CEP164: variants seen among roughly 807,000 people sequenced by gnomAD.
CEP164 encodes the protein centrosomal protein of 164 kDa.
A neutral mutation model predicts 182.7 loss-of-function variants in CEP164; 162 were observed. The observed-to-expected ratio is 0.89, with a 90% CI of 0.78 to 1.01. The LOEUF (loss-of-function observed/expected upper bound fraction) is 1.01, where lower values mean the gene tolerates loss of function less well. Among genes scored for constraint, CEP164 ranks in the 50% least tolerant of loss-of-function variants. The probability of loss-of-function intolerance (pLI) is 0.00; values close to 1 mark genes in which losing one functional copy is unlikely to be tolerated. For synonymous variants in CEP164, 661 were observed against 690.0 expected (o/e 0.96, Z 0.66); for missense variants, 1,735 against 1,790.4 (o/e 0.97, Z 0.56).
chr11:117,340,304 G>A (rs2037909845), intron 3 of CEP164, among the ~76,000 whole-genome samples: 1 of 152,272 alleles, frequency 6.6e-6, no homozygotes, highest in Non-Finnish European at 1.5e-5. Context: ...TTACAGGCAT[G>A]AGCCACTTGT....
At chr11:117,362,138 G>T (rs1294836240) in intron 6 of CEP164, 145 bp downstream of exon 6, 2 of 832,494 alleles carry the variant, frequency 2.4e-6, no homozygotes, top group Non-Finnish European at 1.9e-6. Flanking sequence ...AATGTAATTC[G>T]CACCTGTATG....
intron 1 of CEP164, among the ~76,000 whole-genome samples, chr11:117,328,716 C>CTG (rs1404572353): frequency 6.6e-6 from 1 of 152,202 alleles, no homozygotes; most frequent in African/African-American, 2.4e-5. Flanking sequence ...AGGGCTTCAC[C>CTG]ATTCACTCAG....
At chr11:117,395,072 T>C in intron 22 of CEP164, 51 bp from the exon 23 acceptor site, 1 of 1,610,950 alleles carries the variant, frequency 6.2e-7, no homozygotes, top group Non-Finnish European at 8.5e-7. Flanking sequence ...GCTCTGCCCC[T>C]CAGACCTGGG....
chr11:117,371,313 C>A lies in CEP164; in HGVS notation c.999C>A (p.Asp333Glu), dbSNP rs1233080000. 6.2e-7 allele frequency: 1 copy of A among 1,614,216 alleles called. No individual in the cohort carries two copies. Among genetic ancestry groups the A allele is most frequent in the Admixed American group, 1.7e-5 (1 of 60,018 alleles). ...GGAATCTGGTGACCCCCAAGGCAGA[C>A]CCTACAGGCAGTGAGCCTGCCAAAG... ...ICRNLVTPKA[D>E]PTGSEPAKAS... The change falls in exon 9 of 33, where the codon GAC becomes GAA. Residue 333 changes from aspartate (D) to glutamate (E), a missense_variant. Asp to Glu is a conservative substitution (Grantham distance 45). Transcript: ENST00000278935.
At chr11:117,346,151 A>G (rs1482991836) in intron 4 of CEP164, among the ~76,000 whole-genome samples, 1 of 152,230 alleles carries the variant, frequency 6.6e-6, no homozygotes, top group Non-Finnish European at 1.5e-5. Flanking sequence ...GATGGATGGA[A>G]GGAAACTGTC....
intron 5 of CEP164, among the ~76,000 whole-genome samples, chr11:117,354,022 C>CT (rs777619340): frequency 2.7e-4 from 39 of 142,148 alleles, no homozygotes; most frequent in East Asian, 8.0e-4. Flanking sequence ...TCTTCTTCTT[C>CT]TTTTTTTTTT....
intron 17 of CEP164, 101 bp from the exon 18 acceptor site, chr11:117,392,125 C>T: frequency 9.9e-7 from 1 of 1,009,858 alleles, no homozygotes; most frequent in African/African-American, 1.6e-5. Context: ...TCCCTTGACC[C>T]TGATCTCGAG....
Position 117,394,346 on chromosome 11 carries a change from GCAGGA to G in CEP164, c.2617-3_2618del. ...TCCCACCGGTGGGCCCACCCTCCTT[GCAGGA>G]GAGGAAGCAGCGGGCTGAGCTTCTG... On this transcript the variant is annotated splice_acceptor_variant and splice_polypyrimidine_tract_variant and coding_sequence_variant and intron_variant, in exon 21 of 33. Transcript: ENST00000278935. LOFTEE classifies it high-confidence loss of function. The surrounding 1 kb of genome is among the most constrained non-coding windows in gnomAD (Gnocchi z 4.0). The G allele has an allele frequency of 6.3e-7, 1 of 1,592,586 alleles. No homozygotes were observed. The highest frequency in any genetic ancestry group is 1.1e-5 in the South Asian group (1 of 87,980).
chr11:117,371,897 G>C (rs1592224073), intron 9 of CEP164, among the ~76,000 whole-genome samples: 2 of 151,456 alleles, frequency 1.3e-5, no homozygotes, highest in Non-Finnish European at 2.9e-5. Flanking sequence ...TGACCTCCAG[G>C]GCTCAAGCAG....
At chr11:117,391,773 C>T (rs999104609) in intron 17 of CEP164, among the ~76,000 whole-genome samples, 6 of 152,216 alleles carry the variant, frequency 3.9e-5, no homozygotes, top group African/African-American at 1.4e-4. Flanking sequence ...CACAGTCTCT[C>T]TGAGCACTTG....
intron 4 of CEP164, among the ~76,000 whole-genome samples, chr11:117,351,118 C>T (rs927292867): frequency 6.6e-6 from 1 of 152,160 alleles, no homozygotes; most frequent in Non-Finnish European, 1.5e-5. Context: ...CTGCAACCTC[C>T]GACTCCCAGG....
rs1565651290 is a variant in CEP164, at chr11:117,412,468, T to C, written c.*300T>C. On this transcript the variant is annotated 3_prime_UTR_variant, in exon 33 of 33. Coordinates refer to ENST00000278935, the MANE Select transcript of CEP164 (RefSeq NM_014956.5). ...AGCCCTTTGGGAGGAAGGGAGGCGT[T>C]AGAGGAGCTGCCTTCGGAGGCTCAG... The C allele has an allele frequency of 6.8e-6, 2 of 296,172 alleles. No homozygotes were observed. Among genetic ancestry groups the C allele is most frequent in the South Asian group, 4.1e-5 (1 of 24,284 alleles). 18.3% of individuals were successfully genotyped at this position (296,172 alleles called of 1,614,324 possible).
At chr11:117,383,075 T>C in intron 14 of CEP164, 133 bp downstream of exon 14, 1 of 1,019,252 alleles carries the variant, frequency 9.8e-7, no homozygotes, top group Non-Finnish European at 1.4e-6. Context: ...AGATTAAGCA[T>C]ATCCTTGGTG....
chr11:117,337,110 C>T (rs965026896), intron 2 of CEP164, among the ~76,000 whole-genome samples: 3 of 152,160 alleles, frequency 2.0e-5, no homozygotes, highest in African/African-American at 7.2e-5. Context: ...TGCCGTAACA[C>T]AATACCGTAG....
At chr11:117,354,050 T>A (rs2040009632) in intron 5 of CEP164, among the ~76,000 whole-genome samples, 1 of 151,864 alleles carries the variant, frequency 6.6e-6, no homozygotes. Context: ...AGCATCTTGC[T>A]TTGTTGCCCA....
intron 27 of CEP164, among the ~76,000 whole-genome samples, chr11:117,399,944 C>G (rs1311288287): frequency 6.6e-6 from 1 of 152,160 alleles, no homozygotes; most frequent in Non-Finnish European, 1.5e-5. Flanking sequence ...GTTGCCTGTT[C>G]ACTCTGATGG....
At chr11:117,382,349 G>A (rs941724624) in intron 13 of CEP164, among the ~76,000 whole-genome samples, 15 of 152,200 alleles carry the variant, frequency 9.9e-5, no homozygotes, top group African/African-American at 3.4e-4. Flanking sequence ...GGCCCAGGGA[G>A]AGGGAAGCCC....
At chr11:117,334,804 G>C (rs947377338) in intron 1 of CEP164, among the ~76,000 whole-genome samples, 4 of 122,174 alleles carry the variant, frequency 3.3e-5, no homozygotes, top group African/African-American at 1.2e-4. Context: ...AAAAAAAAAA[G>C]GTAAATATAG....
At chr11:117,387,176 T>C in intron 14 of CEP164, 27 bp from the exon 15 acceptor site, 1 of 1,598,396 alleles carries the variant, frequency 6.3e-7, no homozygotes, top group Non-Finnish European at 8.6e-7. Flanking sequence ...AACCCTGTGA[T>C]GATATGCCAT....
Sources: allele counts gnomAD v4.1 joint callset (sites outside exome capture counted in the v4.1 genomes callset), GRCh38; gene constraint gnomAD v4.1.1; non-coding constraint Gnocchi (gnomAD v3.1); transcripts MANE v1.5; gene names NCBI Gene and HGNC (gene_info 2026-07-23, HGNC 2026-07-21).